RASA3: variants seen among roughly 807,000 people sequenced by gnomAD.
RASA3 encodes the protein RAS p21 protein activator 3, also known as ras GTPase-activating protein 3.
A neutral mutation model predicts 110.0 loss-of-function variants in RASA3; 73 were observed. The observed-to-expected ratio is 0.66, with a 90% CI of 0.55 to 0.81. RASA3 has a LOEUF of 0.81. Ranked by LOEUF, RASA3 falls within the 30% of genes least tolerant of loss-of-function variation. RASA3 has a pLI of 0.00. For missense variants in RASA3, 976 were observed against 1,113.2 expected, an observed-to-expected ratio of 0.88 and a Z score of 1.75; for synonymous variants, 500 against 451.4, an observed-to-expected ratio of 1.11 and a Z score of -1.37.
intron 1 of RASA3, among the ~76,000 whole-genome samples, chr13:114,100,547 G>A (rs571732628): frequency 6.6e-6 from 1 of 152,356 alleles, no homozygotes; most frequent in South Asian, 2.1e-4. Flanking sequence ...CGGCTGGCTG[G>A]AAGTTTGTTC....
chr13:114,017,336 G>A lies in RASA3; in HGVS notation c.1107C>T (p.Ile369=), dbSNP rs770312677. The A allele has an allele frequency of 1.2e-6, 2 of 1,613,944 alleles. No homozygotes were observed. The highest frequency in any genetic ancestry group is 1.1e-5 in the South Asian group (1 of 91,088). ...EVKRTQDPNT[I]FRGNSLASKC... ...TGGACGCCAGTGAGTTTCCTCGGAA[G>A]ATGGTGTTGGGGTCCCTGGGAAATG... Residue 369 remains isoleucine, a synonymous_variant, in exon 12 of 24, where the codon ATC becomes ATT. Coordinates refer to ENST00000334062, the MANE Select transcript of RASA3 (RefSeq NM_007368.4).
intron 1 of RASA3, among the ~76,000 whole-genome samples, chr13:114,100,266 G>C (rs1298431434): frequency 6.6e-6 from 1 of 151,990 alleles, no homozygotes; most frequent in African/African-American, 2.4e-5. Flanking sequence ...AGCACCAGCG[G>C]CTGCCCCTCG....
chr13:114,074,309 C>G lies in RASA3; in HGVS notation c.56-472G>C, dbSNP rs79623522. Reference sequence around the variant, plus strand: ...CCCCTCCTGCTGTCTCCCAGTGGCCCTCACCCCACTTTCTGTCTCTGTGGA... The same window carrying G: ...CCCCTCCTGCTGTCTCCCAGTGGCCGTCACCCCACTTTCTGTCTCTGTGGA... On this transcript the variant is annotated intron_variant, in intron 1 of 23. Coordinates refer to ENST00000334062, the MANE Select transcript of RASA3 (RefSeq NM_007368.4). Among the ~76,000 whole-genome samples, 479 of 152,236 alleles carry G rather than the reference C, an allele frequency of 3.1e-3. 3 individuals are homozygous for G. Among genetic ancestry groups the G allele is most frequent in the African/African-American group, 0.011 (450 of 41,534 alleles).
rs2079251563 is a variant in RASA3 at position 114,056,694 on chromosome 13, A to C, written c.174-4539T>G. 2.0e-6 allele frequency: 2 copies of C among 978,924 alleles called. No individual in the cohort carries two copies. 60.6% of individuals were successfully genotyped at this position (978,924 alleles called of 1,614,324 possible). On this transcript the variant is annotated intron_variant, in intron 2 of 23. Transcript: ENST00000334062. This position sits in a 1 kb window ranked among gnomAD's most constrained non-coding sequence, Gnocchi z 5.7. The stretch of plus-strand genomic sequence containing the variant: ...AAATTGAGGTGCTTAAAATTCATAA[A>C]TAAACCAGAAATCCATTCAATAAAA...
intron 22 of RASA3, among the ~76,000 whole-genome samples, chr13:113,990,858 A>G (rs201387257): frequency 2.7e-5 from 4 of 150,516 alleles, no homozygotes; most frequent in African/African-American, 9.7e-5. Flanking sequence ...TGCTGGGAAC[A>G]TGTGTGTACA....
At chr13:114,094,862 C>G (rs929257699) in intron 1 of RASA3, among the ~76,000 whole-genome samples, 1 of 152,298 alleles carries the variant, frequency 6.6e-6, no homozygotes, top group Middle Eastern at 3.4e-3. Flanking sequence ...GTACCGAGAC[C>G]GAGGCGCGGG....
intron 2 of RASA3, among the ~76,000 whole-genome samples, chr13:114,053,421 C>T (rs967218823): frequency 3.3e-5 from 5 of 152,244 alleles, no homozygotes; most frequent in African/African-American, 9.6e-5. Context: ...CTGCGGTGCA[C>T]GCACAGCTAC....
Position 114,028,651 on chromosome 13 carries a change from CT to C in RASA3, c.450-725del, listed in dbSNP as rs1430077056. Among the ~76,000 whole-genome samples, 114 of 133,412 alleles carry C rather than the reference CT, an allele frequency of 8.5e-4. 2 individuals are homozygous for C. Among genetic ancestry groups the C allele is most frequent in the East Asian group, 8.1e-3 (33 of 4,060 alleles). 87.5% of individuals were successfully genotyped at this position (133,412 alleles called of 152,430 possible). ...CCAGGACCTCTAAAACAGCATCATC[CT>C]GGGGCCAGGACCTCTAAAACAGTGT... is the stretch of plus-strand genomic sequence containing the variant. On this transcript the variant is annotated intron_variant, in intron 5 of 23. Transcript: ENST00000334062.
At position 114,057,610 on chromosome 13, in the gene RASA3, C is replaced by G; in HGVS notation, c.174-5455G>C. 1 of 757,582 alleles carries G rather than the reference C, an allele frequency of 1.3e-6. No individual in the cohort carries two copies. Among genetic ancestry groups the G allele is most frequent in the Non-Finnish European group, 1.6e-6 (1 of 622,332 alleles). The allele number at this position is 757,582 out of a possible 1,614,324, so 46.9% of individuals were successfully genotyped here. A position where few individuals can be genotyped will look rare whatever the true frequency, so the allele number is the denominator to read the frequency against. On this transcript the variant is annotated intron_variant, in intron 2 of 23. Transcript: ENST00000334062. The surrounding 1 kb of genome is among the most constrained non-coding windows in gnomAD (Gnocchi z 5.0). ...CCACAATGACTGTGCACAGAGCCAG[C>G]CTGACACCCAAGGCCACGATGCCAT...
Position 114,011,342 on chromosome 13 carries a change from G to A in RASA3, c.1513-94C>T, listed in dbSNP as rs1316378146. 4 of 1,098,984 alleles carry A rather than the reference G, an allele frequency of 3.6e-6. No individual in the cohort carries two copies. The highest frequency in any genetic ancestry group is 4.1e-6 in the Non-Finnish European group (3 of 731,506). 68.1% of individuals were successfully genotyped at this position (1,098,984 alleles called of 1,614,324 possible). A position where few individuals can be genotyped will look rare whatever the true frequency, so the allele number is the denominator to read the frequency against. ...GGGACGAAATGCAGGAGTCACCTCAGAGCTGCTGTGGCTTGTGCATGAGCT... is the reference window on the plus strand; with the variant it reads ...GGGACGAAATGCAGGAGTCACCTCAAAGCTGCTGTGGCTTGTGCATGAGCT... On this transcript the variant is annotated intron_variant, in intron 15 of 23. Coordinates refer to ENST00000334062, the MANE Select transcript of RASA3 (RefSeq NM_007368.4). This position sits in a 1 kb window ranked among gnomAD's most constrained non-coding sequence, Gnocchi z 4.8.
chr13:114,076,577 C>A (rs900919638), intron 1 of RASA3, among the ~76,000 whole-genome samples: 1 of 151,402 alleles, frequency 6.6e-6, no homozygotes, highest in Non-Finnish European at 1.5e-5. Context: ...AGGCAGCACA[C>A]GCACACACAC....
At position 114,018,900 on chromosome 13, in the gene RASA3, C is replaced by G; in HGVS notation, c.805G>C (p.Asp269His). 6.2e-7 allele frequency: 1 copy of G among 1,613,858 alleles called. No individual in the cohort carries two copies. Among genetic ancestry groups the G allele is most frequent in the East Asian group, 2.2e-5 (1 of 44,888 alleles). Residue 269 changes from aspartate (D) to histidine (H), a missense_variant, in exon 10 of 24, where the codon GAC becomes CAC. Physicochemically the swap from Asp to His is moderately conservative, Grantham distance 81 (BLOSUM62 -1). Transcript: ENST00000334062. ...GGCTTTAGGCTCTTGCTACCATTGTCCCGGGGCTGGAGGAAGTACCTGGGT... is the reference window on the plus strand; with the variant it reads ...GGCTTTAGGCTCTTGCTACCATTGTGCCGGGGCTGGAGGAAGTACCTGGGT... ...YEAWYFLQPR[D>H]NGSKSLKPDD... is the part of the protein sequence containing the mutation.
At chr13:114,074,938 A>G (rs1299481859) in intron 1 of RASA3, among the ~76,000 whole-genome samples, 1 of 152,258 alleles carries the variant, frequency 6.6e-6, no homozygotes, top group Non-Finnish European at 1.5e-5. Flanking sequence ...ACAGCTGTCA[A>G]TCCAGACAGC....
chr13:113,980,228 C>T (rs868730080), intron 23 of RASA3, among the ~76,000 whole-genome samples: 15 of 143,236 alleles, frequency 1.0e-4, no homozygotes, highest in South Asian at 2.2e-4. Context: ...GCACCTCCTG[C>T]TGTGTGCGCC....
chr13:114,131,340 T>C (rs1173841187), intron 1 of RASA3, among the ~76,000 whole-genome samples: 1 of 152,094 alleles, frequency 6.6e-6, no homozygotes, highest in Non-Finnish European at 1.5e-5. Flanking sequence ...CTGCAGGCCC[T>C]GGAAGCCTCT....
intron 2 of RASA3, among the ~76,000 whole-genome samples, chr13:114,052,636 GA>G (rs2079163592): frequency 2.6e-5 from 4 of 152,100 alleles, no homozygotes; most frequent in Admixed American, 2.6e-4. Flanking sequence ...ACTCCTCGGG[GA>G]GAGACCCCCG....
At position 114,029,791 on chromosome 13, in the gene RASA3, C is replaced by T; in HGVS notation, c.449+20G>A. 3 of 1,583,868 alleles carry T rather than the reference C, an allele frequency of 1.9e-6. No individual in the cohort carries two copies. The highest frequency in any genetic ancestry group is 2.6e-6 in the Non-Finnish European group (3 of 1,165,362). On this transcript the variant is annotated intron_variant, in intron 5 of 23. Transcript: ENST00000334062. ...ATGCCACTCGCTGTGCGCTCGGTCT[C>T]TAGTGAGGACGTGTCTTACCGTGTG... is the stretch of plus-strand genomic sequence containing the variant.
intron 1 of RASA3, among the ~76,000 whole-genome samples, chr13:114,080,844 A>G (rs1262191036): frequency 6.6e-6 from 1 of 152,136 alleles, no homozygotes; most frequent in East Asian, 1.9e-4. Flanking sequence ...AGGGCCGTCC[A>G]CCTAGAACAC....
rs115869110 is a variant in RASA3, at chr13:114,033,288, C to T, written c.373-3401G>A. On this transcript the variant is annotated intron_variant, in intron 4 of 23. Coordinates refer to ENST00000334062, the MANE Select transcript of RASA3 (RefSeq NM_007368.4). ...ACGTTCCATGGCACCCCCACACTGA[C>T]AACACGCCCCACGGCACCCCCACAC... Among the ~76,000 whole-genome samples the T allele has an allele frequency of 4.7e-3, 395 of 83,180 alleles. 11 individuals are homozygous for T. Among genetic ancestry groups the T allele is most frequent in the African/African-American group, 0.019 (375 of 19,648 alleles). The allele number at this position is 83,180 out of a possible 152,430, so 54.6% of individuals were successfully genotyped here. A position where few individuals can be genotyped will look rare whatever the true frequency, so the allele number is the denominator to read the frequency against.
Sources: gnomAD v4.1 joint callset for allele counts (sites outside exome capture counted in the v4.1 genomes callset) on GRCh38, gnomAD v4.1.1 for gene constraint, Gnocchi (gnomAD v3.1) non-coding constraint, MANE v1.5 for transcripts, NCBI Gene and HGNC (gene_info 2026-07-23, HGNC 2026-07-21) for gene names.